Variants in STK25 observed in about 807,000 individuals in gnomAD.
STK25 encodes the protein serine/threonine kinase 25.
In STK25, 29 loss-of-function variants were observed where a neutral mutation model predicts 53.8. That is an observed-to-expected ratio of 0.54 (90% CI 0.40 to 0.74). The LOEUF is 0.74. Ranked by LOEUF, STK25 falls within the 30% of genes least tolerant of loss-of-function variation. The pLI, the probability that STK25 is intolerant of heterozygous loss-of-function variation, is 0.00. For missense variants in STK25, 420 were observed against 568.0 expected (o/e 0.74, Z 2.65); for synonymous variants, 247 against 238.3 (o/e 1.04, Z -0.33).
chr2:241,504,552 G>A (rs2065707417), intron 2 of STK25, among the ~76,000 whole-genome samples: 1 of 152,200 alleles, frequency 6.6e-6, no homozygotes, highest in South Asian at 2.1e-4. Flanking sequence ...CAAGTCACAG[G>A]TGCTCAGCTG....
At position 241,501,003 on chromosome 2, in the gene STK25, G is replaced by C. The variant is rs1191426223; in HGVS notation, c.262-207C>G. ...TACAGATGCTCAGAGGACAGGTTGA[G>C]TACACACAGCAGTGGCTGACTCCAC... is the stretch of plus-strand genomic sequence containing the variant. On this transcript the variant is annotated intron_variant, in intron 3 of 11. Coordinates refer to ENST00000316586, the MANE Select transcript of STK25 (RefSeq NM_001271977.2). The surrounding 1 kb of genome is among the most constrained non-coding windows in gnomAD (Gnocchi z 5.3). The C allele has an allele frequency of 3.3e-6, 2 of 601,626 alleles. No homozygotes were observed. Among genetic ancestry groups the C allele is most frequent in the South Asian group, 4.1e-5 (2 of 48,954 alleles). The allele number at this position is 601,626 out of a possible 1,614,324, so 37.3% of individuals were successfully genotyped here.
chr2:241,497,755 GC>G, intron 9 of STK25, 68 bp from the exon 10 acceptor site: 1 of 1,478,826 alleles, frequency 6.8e-7, no homozygotes, highest in Non-Finnish European at 9.4e-7. Flanking sequence ...TCCCATCCCT[GC>G]CCAGGCTCTA....
Position 241,499,253 on chromosome 2 carries a change from C to A in STK25, c.585+4G>T. The A allele has an allele frequency of 6.2e-7, 1 of 1,613,872 alleles. No homozygotes were observed. The highest frequency in any genetic ancestry group is 1.3e-5 in the African/African-American group (1 of 75,018). On this transcript the variant is annotated splice_donor_region_variant and intron_variant, in intron 6 of 11. Transcript: ENST00000316586. Reference sequence around the variant, plus strand: ...GCCCGCACCTGCCCGCCCGCTGCACCCACCTTGAAGTCGTAGGCCGACTGC... The same window carrying A: ...GCCCGCACCTGCCCGCCCGCTGCACACACCTTGAAGTCGTAGGCCGACTGC...
chr2:241,499,513 G>C, intron 5 of STK25, 99 bp from the exon 6 acceptor site: 3 of 1,434,496 alleles, frequency 2.1e-6, no homozygotes, highest in Non-Finnish European at 2.8e-6. Flanking sequence ...TGGCCTCCTA[G>C]GGCACAGCAG....
Position 241,493,512 on chromosome 2 carries a change from CATG to C in STK25, c.*2147_*2149del, listed in dbSNP as rs1165312724. The C allele has an allele frequency of 8.1e-5, 123 of 1,510,476 alleles. No homozygotes were observed. Among genetic ancestry groups the C allele is most frequent in the East Asian group, 2.5e-4 (11 of 44,210 alleles). 93.6% of individuals were successfully genotyped at this position (1,510,476 alleles called of 1,614,324 possible). On this transcript the variant is annotated 3_prime_UTR_variant, in exon 12 of 12. Transcript: ENST00000316586. ...TGTCCGCTCAGCTCCCATTTCTACT[CATG>C]GTGGTGGAGGCAAGTTTTCTGGGCC...
At chr2:241,498,108 C>G (rs2065281834) in intron 9 of STK25, 127 bp downstream of exon 9, 1 of 880,518 alleles carries the variant, frequency 1.1e-6, no homozygotes, top group Admixed American at 2.0e-5. Context: ...GGCTTCAGAC[C>G]ACCCCTGCCT....
chr2:241,499,478 G>A, intron 5 of STK25, 64 bp from the exon 6 acceptor site: 13 of 1,564,708 alleles, frequency 8.3e-6, no homozygotes, highest in African/African-American at 1.4e-5. Context: ...CGGGCCCCCT[G>A]AGAAGGGCCA....
At chr2:241,499,618 C>T in intron 5 of STK25, 1 of 633,356 alleles carries the variant, frequency 1.6e-6, no homozygotes, top group East Asian at 2.8e-5. Context: ...AACGGCTCCA[C>T]TCCGAGCTCC....
At chr2:241,508,227 G>T in intron 1 of STK25, 92 bp from the exon 2 acceptor site, 2 of 1,330,840 alleles carry the variant, frequency 1.5e-6, no homozygotes, top group Non-Finnish European at 1.9e-6. Context: ...GGGGGGCCCA[G>T]GAGACCCCCC....
chr2:241,503,754 G>A (rs184542677), intron 2 of STK25, among the ~76,000 whole-genome samples: 9 of 149,336 alleles, frequency 6.0e-5, no homozygotes, highest in Admixed American at 6.0e-4. Flanking sequence ...AAAAAACACT[G>A]AAGACAGGAC....
Position 241,495,666 on chromosome 2 carries a change from C to G in STK25, c.1277G>C (p.Arg426Pro). The G allele has an allele frequency of 1.2e-6, 2 of 1,614,210 alleles. No homozygotes were observed. Among genetic ancestry groups the G allele is most frequent in the Non-Finnish European group, 1.7e-6 (2 of 1,180,014 alleles). ...SHNRNHLTST[R>P] is the part of the protein sequence containing the mutation. ...CTATCTGAACAGCAGTGCGCTTCAG[C>G]GGGTGGATGTCAGGTGGTTTCTGTT... The change falls in exon 12 of 12, where the codon CGC (arginine) becomes CCC (proline). Residue 426 changes from arginine (R) to proline (P), a missense_variant. Coordinates refer to ENST00000316586, the MANE Select transcript of STK25 (RefSeq NM_001271977.2).
chr2:241,499,695 T>C, intron 5 of STK25: 1 of 534,652 alleles, frequency 1.9e-6, no homozygotes, highest in Non-Finnish European at 3.4e-6. Flanking sequence ...CACTGGGGGC[T>C]ACCGCAGAGG....
Position 241,494,136 on chromosome 2 carries a change from G to C in STK25, c.*1526C>G. On this transcript the variant is annotated 3_prime_UTR_variant, in exon 12 of 12. Coordinates refer to ENST00000316586, the MANE Select transcript of STK25 (RefSeq NM_001271977.2). This position sits in a 1 kb window ranked among gnomAD's most constrained non-coding sequence, Gnocchi z 4.9. ...GGGAAGGAGGAATGACGCTCAACCT[G>C]CCCAGGTTTGGACACAACTACAAAG... is the stretch of plus-strand genomic sequence containing the variant. The C allele has an allele frequency of 1.4e-6, 2 of 1,450,044 alleles. No individual in the cohort carries two copies. The highest frequency in any genetic ancestry group is 1.8e-6 in the Non-Finnish European group (2 of 1,096,146). The allele number at this position is 1,450,044 out of a possible 1,614,324, so 89.8% of individuals were successfully genotyped here. A position where few individuals can be genotyped will look rare whatever the true frequency, so the allele number is the denominator to read the frequency against.
chr2:241,506,612 A>G (rs2125008346), intron 2 of STK25, among the ~76,000 whole-genome samples: 1 of 152,304 alleles, frequency 6.6e-6, no homozygotes, highest in South Asian at 2.1e-4. Context: ...TACTAAAAAT[A>G]CAAAATTAGC....
Position 241,498,342 on chromosome 2 carries a change from C to T in STK25, c.925G>A (p.Glu309Lys), listed in dbSNP as rs773223727. The change falls in exon 9 of 12, where the codon GAG (glutamate) becomes AAG (lysine). Residue 309 changes from glutamate to lysine, a missense_variant. Physicochemically the swap from Glu to Lys is moderately conservative, Grantham distance 56. Coordinates refer to ENST00000316586, the MANE Select transcript of STK25 (RefSeq NM_001271977.2). ...SSSEDSDIDG[E>K]AEDGEQGPIW... ...GGGCCCTGCTCCCCGTCCTCCGCCT[C>T]GCCATCACTGAAGAGGATGAGGAGT... 2.5e-6 allele frequency: 4 copies of T among 1,587,282 alleles called. No individual in the cohort carries two copies. The highest frequency in any genetic ancestry group is 2.6e-6 in the Non-Finnish European group (3 of 1,162,868).
Position 241,496,680 on chromosome 2 carries a change from T to C in STK25, c.1105-146A>G. 3 of 889,612 alleles carry C rather than the reference T, an allele frequency of 3.4e-6. No homozygotes were observed. The highest frequency in any genetic ancestry group is 5.0e-6 in the Non-Finnish European group (3 of 602,584). The allele number at this position is 889,612 out of a possible 1,614,324, so 55.1% of individuals were successfully genotyped here. On this transcript the variant is annotated intron_variant, in intron 10 of 11. Coordinates refer to ENST00000316586, the MANE Select transcript of STK25 (RefSeq NM_001271977.2). The surrounding 1 kb of genome is among the most constrained non-coding windows in gnomAD (Gnocchi z 5.8). ...GGGAGCCCTTCAGCAAGCCGGGAAG[T>C]GAGGTGGCCCAAGGAAGCCTCTGCC...
chr2:241,504,320 C>T (rs2065691391), intron 2 of STK25, among the ~76,000 whole-genome samples: 1 of 152,194 alleles, frequency 6.6e-6, no homozygotes, highest in Non-Finnish European at 1.5e-5. Context: ...AGTACAGCAG[C>T]CCAGTCCTAA....
Position 241,498,988 on chromosome 2 carries a change from C to T in STK25, c.771+1G>A, listed in dbSNP as rs1315040923. On this transcript the variant is annotated splice_donor_variant, in intron 7 of 11. Coordinates refer to ENST00000316586, the MANE Select transcript of STK25 (RefSeq NM_001271977.2). LOFTEE classifies it high-confidence loss of function. Reference sequence around the variant, plus strand: ...GGGACCGGGCCAGAGGCGGGCCTTACGAATCGGGGGTCTTTGTTGAGGCAG... The same window carrying T: ...GGGACCGGGCCAGAGGCGGGCCTTATGAATCGGGGGTCTTTGTTGAGGCAG... 4.3e-6 allele frequency: 7 copies of T among 1,613,410 alleles called. No individual in the cohort carries two copies. Among genetic ancestry groups the T allele is most frequent in the Admixed American group, 1.7e-5 (1 of 60,000 alleles).
chr2:241,498,963 G>A, intron 7 of STK25, 26 bp downstream of exon 7: 1 of 1,613,342 alleles, frequency 6.2e-7, no homozygotes, highest in Non-Finnish European at 8.5e-7. Flanking sequence ...CTGTCTAGAA[G>A]GGACCGGGCC....
Sources: gnomAD v4.1 joint callset for allele counts (sites outside exome capture counted in the v4.1 genomes callset) on GRCh38, gnomAD v4.1.1 for gene constraint, Gnocchi (gnomAD v3.1) non-coding constraint, MANE v1.5 for transcripts, NCBI Gene and HGNC (gene_info 2026-07-23, HGNC 2026-07-21) for gene names.